HERC3: variants seen among roughly 807,000 people sequenced by gnomAD.
HERC3 encodes the protein probable E3 ubiquitin-protein ligase HERC3.
HERC3 carries 58 observed loss-of-function variants against 129.9 expected under a neutral mutation model. The ratio of observed to expected loss-of-function variants is 0.45; its 90% CI spans 0.36 to 0.56. HERC3 has a LOEUF of 0.56. Ranked by LOEUF, HERC3 falls within the 20% of genes least tolerant of loss-of-function variation. The pLI is 0.00. For synonymous variants in HERC3, 430 were observed against 451.0 expected (o/e 0.95, Z 0.59); for missense variants, 835 against 1,244.2 (o/e 0.67, Z 4.95).
intron 3 of HERC3, among the ~76,000 whole-genome samples, chr4:88,626,286 A>T (rs1364269349): frequency 6.6e-6 from 1 of 151,858 alleles, no homozygotes; most frequent in African/African-American, 2.4e-5. Flanking sequence ...GGATCTAGTG[A>T]TCCTCCCACC....
chr4:88,620,718 A>G (rs1196969055), intron 3 of HERC3, among the ~76,000 whole-genome samples: 2 of 151,896 alleles, frequency 1.3e-5, no homozygotes, highest in African/African-American at 4.8e-5. Flanking sequence ...TTCTCAGCTC[A>G]TCTCTTATGG....
rs1734723736 is a variant in HERC3, at chr4:88,697,350, C to G, written c.2658-6748C>G. The stretch of plus-strand genomic sequence containing the variant: ...ACTCCTCTTCCTCCTCCTCCTCCCC[C>G]TCCAAGGTCCATGCACACCCCTCCA... On this transcript the variant is annotated intron_variant, in intron 23 of 25. Transcript: ENST00000402738. 3.1e-6 allele frequency: 5 copies of G among 1,613,954 alleles called. No homozygotes were observed. The South Asian group carries it at 5.5e-5, about 18-fold the overall frequency.
chr4:88,637,384 C>T (rs562289533), intron 3 of HERC3, among the ~76,000 whole-genome samples: 53 of 152,278 alleles, frequency 3.5e-4, no homozygotes, highest in African/African-American at 1.3e-3. Flanking sequence ...CGAGATCGCG[C>T]CACTGCACTC....
chr4:88,704,377 G>A, intron 24 of HERC3, 96 bp downstream of exon 24: 2 of 1,365,736 alleles, frequency 1.5e-6, no homozygotes, highest in Non-Finnish European at 2.1e-6. Flanking sequence ...CAAGCATACT[G>A]TGGTTGAGTT....
chr4:88,579,831 A>G, the HERC3 span, among the ~76,000 whole-genome samples: 1 of 152,218 alleles, frequency 6.6e-6, no homozygotes, highest in Non-Finnish European at 1.5e-5. Flanking sequence ...GGGTCTTTAC[A>G]TGAAAGAATC....
At chr4:88,612,558 T>G (rs1578167640) in intron 3 of HERC3, among the ~76,000 whole-genome samples, 2 of 152,220 alleles carry the variant, frequency 1.3e-5, no homozygotes, top group South Asian at 4.2e-4. Flanking sequence ...AAAAAAGTAT[T>G]GGATTATAAG....
intron 10 of HERC3, among the ~76,000 whole-genome samples, chr4:88,662,056 G>A (rs1730545421): frequency 1.3e-5 from 2 of 152,176 alleles, no homozygotes; most frequent in Admixed American, 1.3e-4. Flanking sequence ...GAAGGAGGCA[G>A]GATTGCGCAG....
At chr4:88,603,580 C>T (rs545216495) in intron 2 of HERC3, among the ~76,000 whole-genome samples, 8 of 152,288 alleles carry the variant, frequency 5.3e-5, no homozygotes, top group African/African-American at 1.4e-4. Flanking sequence ...GGATTTCCCC[C>T]GTCTCCTTTC....
At chr4:88,647,889 G>A (rs1362601626) in intron 3 of HERC3, among the ~76,000 whole-genome samples, 1 of 138,580 alleles carries the variant, frequency 7.2e-6, no homozygotes, top group Non-Finnish European at 1.5e-5. Context: ...TTTCAATATT[G>A]GACATAATCT....
At chr4:88,575,514 A>G in the HERC3 span, among the ~76,000 whole-genome samples, 1 of 152,222 alleles carries the variant, frequency 6.6e-6, no homozygotes, top group African/African-American at 2.4e-5. Context: ...TCAACTCTCT[A>G]CAACAATAGA....
chr4:88,525,609 T>C, the HERC3 span, among the ~76,000 whole-genome samples: 1 of 152,192 alleles, frequency 6.6e-6, no homozygotes, highest in Admixed American at 6.5e-5. Context: ...GCAGTTCAGT[T>C]TACTTTATTT....
At chr4:88,588,579 G>A (rs1020076104), upstream of HERC3, among the ~76,000 whole-genome samples, 6 of 152,172 alleles carry the variant, frequency 3.9e-5, no homozygotes, top group Non-Finnish European at 7.3e-5. Flanking sequence ...CTTCAATGGT[G>A]TATCTGAGAG....
rs78048261 is a variant in HERC3 at position 88,607,333 on chromosome 4, G to C, written c.226+1284G>C. On this transcript the variant is annotated intron_variant, in intron 3 of 25. Transcript: ENST00000402738. ...GAATAGTGTGGTGAGACTGGGAAGA[G>C]AGGGTGATGGAAGAGGATAAGCTGG... 8.4e-3 allele frequency among the ~76,000 whole-genome samples: 1,275 copies of C among 152,328 alleles called. 18 individuals are homozygous for C. Among genetic ancestry groups the C allele is most frequent in the African/African-American group, 0.029 (1,203 of 41,564 alleles).
intron 25 of HERC3, 34 bp from the exon 26 acceptor site, chr4:88,706,718 C>T: frequency 6.3e-7 from 1 of 1,585,302 alleles, no homozygotes; most frequent in Middle Eastern, 1.7e-4. Flanking sequence ...TTTCCGTTTG[C>T]TTAGCTGCTA....
chr4:88,604,247 G>A (rs1377563064), intron 2 of HERC3, among the ~76,000 whole-genome samples: 1 of 152,112 alleles, frequency 6.6e-6, no homozygotes, highest in Non-Finnish European at 1.5e-5. Context: ...TGGAACTCCC[G>A]ACCTCAGGTG....
upstream of HERC3, among the ~76,000 whole-genome samples, chr4:88,591,182 C>T (rs778397045): frequency 5.9e-5 from 9 of 152,140 alleles, no homozygotes; most frequent in Non-Finnish European, 1.0e-4. Context: ...CATGGGCCAC[C>T]GCGCCTGGCC....
chr4:88,705,196 T>C (rs1300797633), intron 25 of HERC3, among the ~76,000 whole-genome samples: 14 of 152,204 alleles, frequency 9.2e-5, no homozygotes, highest in Non-Finnish European at 2.1e-4. Context: ...AAAATACCAA[T>C]TATTTTATAT....
the HERC3 span, among the ~76,000 whole-genome samples, chr4:88,556,033 A>G: frequency 1.3e-5 from 2 of 152,208 alleles, no homozygotes; most frequent in Non-Finnish European, 2.9e-5. Context: ...TTTGAAATTG[A>G]TGACGCTGGA....
chr4:88,544,649 G>T, the HERC3 span, among the ~76,000 whole-genome samples: 1 of 152,194 alleles, frequency 6.6e-6, no homozygotes, highest in Non-Finnish European at 1.5e-5. Flanking sequence ...ATTCACAATA[G>T]CAAAGACTTG....
Sources: gnomAD v4.1 joint callset for allele counts (sites outside exome capture counted in the v4.1 genomes callset) on GRCh38, gnomAD v4.1.1 for gene constraint, MANE v1.5 for transcripts, NCBI Gene and HGNC (gene_info 2026-07-23, HGNC 2026-07-21) for gene names.